Variants in SLC28A2 observed in about 807,000 individuals in gnomAD.
SLC28A2 encodes sodium/nucleoside cotransporter 2.
In SLC28A2, 69 loss-of-function variants were observed where a neutral mutation model predicts 72.9. That is an observed-to-expected ratio of 0.95 (90% CI 0.78 to 1.16). The LOEUF (loss-of-function observed/expected upper bound fraction) is 1.16, where lower values mean the gene tolerates loss of function less well. Ranked by LOEUF, SLC28A2 falls within the 50% of genes most tolerant of loss-of-function variation. The probability of loss-of-function intolerance (pLI) is 0.00; values close to 1 mark genes in which losing one functional copy is unlikely to be tolerated. For synonymous variants in SLC28A2, 296 were observed against 294.1 expected (o/e 1.01, Z -0.07); for missense variants, 745 against 791.1 (o/e 0.94, Z 0.70).
rs1325159600 is a variant in SLC28A2 at position 45,275,071 on chromosome 15, G to A, written c.1860-325G>A. 1.3e-5 allele frequency among the ~76,000 whole-genome samples: 2 copies of A among 152,112 alleles called. 1 individual carries two copies. The highest frequency in any genetic ancestry group is 4.8e-5 in the African/African-American group (2 of 41,404). On this transcript the variant is annotated intron_variant, in intron 17 of 17. Transcript: ENST00000347644. ...TGTTTTCAAGAGGAAGGTGGCCTTG[G>A]AATACCACCTTACTTTTCAGAATCA... is the stretch of plus-strand genomic sequence containing the variant.
At chr15:45,265,906 A>G (rs1227798553) in intron 9 of SLC28A2, among the ~76,000 whole-genome samples, 175 bp from the exon 10 acceptor site, 1 of 152,200 alleles carries the variant, frequency 6.6e-6, no homozygotes, top group Non-Finnish European at 1.5e-5. Flanking sequence ...AAAGGCAACG[A>G]GTCCTGAGTT....
rs754612578 is a variant in SLC28A2 at position 45,268,252 on chromosome 15, A to G, written c.1242A>G (p.Val414=). 1.4e-5 allele frequency: 23 copies of G among 1,610,870 alleles called. No individual in the cohort carries two copies. The South Asian group carries it at 2.4e-4, about 17-fold the overall frequency. Residue 414 remains valine, a synonymous_variant, in exon 13 of 18, where the codon GTA becomes GTG. Coordinates refer to ENST00000347644, the MANE Select transcript of SLC28A2 (RefSeq NM_004212.4). The part of the protein sequence containing the change: ...NVLEAASNGA[V]DAIGLATNVA... ...TGGAAGCTGCCAGCAACGGAGCCGT[A>G]GATGCCATAGGCCTTGCTACTAATG...
intron 13 of SLC28A2, 100 bp from the exon 14 acceptor site, chr15:45,269,238 G>C: frequency 1.1e-6 from 1 of 879,288 alleles, no homozygotes; most frequent in Non-Finnish European, 1.9e-6. Context: ...ATGAATAGAA[G>C]GGTGGAAGAG....
At position 45,272,323 on chromosome 15, in the gene SLC28A2, C is replaced by G. The variant is rs1241805974; in HGVS notation, c.1677C>G (p.Asp559Glu). The G allele has an allele frequency of 1.9e-6, 3 of 1,613,852 alleles. No individual in the cohort carries two copies. The African/African-American group carries it at 4.0e-5, about 22-fold the overall frequency. ...CAATAGTACCTCACCGGAAGAGTGA[C>G]TTGTCCAAGGTTGTGGTCAGGGCCC... Reference protein sequence around the residue: ...LTSIVPHRKSDLSKVVVRALF... With the variant: ...LTSIVPHRKSELSKVVVRALF... Residue 559 changes from aspartate to glutamate, a missense_variant, in exon 16 of 18, where the codon GAC becomes GAG. Physicochemically the swap from Asp to Glu is conservative, Grantham distance 45. Coordinates refer to ENST00000347644, the MANE Select transcript of SLC28A2 (RefSeq NM_004212.4).
intron 1 of SLC28A2, among the ~76,000 whole-genome samples, chr15:45,252,644 T>C (rs907069827): frequency 6.6e-6 from 1 of 152,236 alleles, no homozygotes; most frequent in Non-Finnish European, 1.5e-5. Flanking sequence ...TAAATGTAAG[T>C]TTTGTTAATT....
At chr15:45,254,682 A>G (rs1223609764) in intron 3 of SLC28A2, among the ~76,000 whole-genome samples, 1 of 152,264 alleles carries the variant, frequency 6.6e-6, no homozygotes, top group East Asian at 1.9e-4. Context: ...GATTCAGAGC[A>G]GCTTCCAAAC....
At chr15:45,253,721 C>T in intron 3 of SLC28A2, 1 of 451,448 alleles carries the variant, frequency 2.2e-6, no homozygotes, top group East Asian at 3.4e-5. Context: ...GTTGGTTGGA[C>T]TGAAAATAAA....
At position 45,275,713 on chromosome 15, in the gene SLC28A2, A is replaced by T; in HGVS notation, c.*200A>T. 1 of 487,258 alleles carries T rather than the reference A, an allele frequency of 2.1e-6. No homozygotes were observed. Among genetic ancestry groups the T allele is most frequent in the South Asian group, 2.4e-5 (1 of 40,848 alleles). The allele number at this position is 487,258 out of a possible 1,614,324, so 30.2% of individuals were successfully genotyped here. ...CACTTTGGGAGGCCGAGGCGGGCGG[A>T]TCACAAGGTCAGGAGATCGAGACCA... On this transcript the variant is annotated 3_prime_UTR_variant, in exon 18 of 18. Coordinates refer to ENST00000347644, the MANE Select transcript of SLC28A2 (RefSeq NM_004212.4).
At chr15:45,258,860 T>G (rs1174794176) in intron 3 of SLC28A2, among the ~76,000 whole-genome samples, 1 of 152,336 alleles carries the variant, frequency 6.6e-6, no homozygotes, top group East Asian at 1.9e-4. Context: ...GGTATATACT[T>G]TGGAGTGGAA....
At chr15:45,265,927 CTCTGTT>C (rs1044231898) in intron 9 of SLC28A2, 148 bp from the exon 10 acceptor site, 7 of 644,394 alleles carry the variant, frequency 1.1e-5, no homozygotes, top group African/African-American at 3.7e-5. Context: ...CTGGTCAAGG[CTCTGTT>C]TCTAAGTTGG....
intron 10 of SLC28A2, 78 bp from the exon 11 acceptor site, chr15:45,267,377 C>CCCA (rs1900370013): frequency 6.5e-7 from 1 of 1,532,536 alleles, no homozygotes; most frequent in East Asian, 2.3e-5. Flanking sequence ...GTGGGTCCAG[C>CCCA]CCCTGGGGCT....
At chr15:45,274,893 GTTAA>G (rs1900702377) in intron 17 of SLC28A2, among the ~76,000 whole-genome samples, 1 of 152,044 alleles carries the variant, frequency 6.6e-6, no homozygotes, top group Non-Finnish European at 1.5e-5. Flanking sequence ...ACCATGCCTG[GTTAA>G]TTTTTACTTT....
At chr15:45,264,597 C>A in intron 6 of SLC28A2, 58 bp from the exon 7 acceptor site, 2 of 1,196,460 alleles carry the variant, frequency 1.7e-6, no homozygotes, top group Non-Finnish European at 2.5e-6. Flanking sequence ...GTTTAAAACT[C>A]CAACCAGGTA....
intron 9 of SLC28A2, 34 bp downstream of exon 9, chr15:45,265,697 G>GATGAAGGCCTGTCT: frequency 2.2e-6 from 3 of 1,388,892 alleles, no homozygotes; most frequent in South Asian, 1.2e-5. Context: ...CAGGAGACAG[G>GATGAAGGCCTGTCT]CCTTCATCCT....
At chr15:45,271,577 A>AAAGGACGG (rs1555431978) in intron 15 of SLC28A2, among the ~76,000 whole-genome samples, 1 of 130,278 alleles carries the variant, frequency 7.7e-6, no homozygotes, top group East Asian at 2.2e-4. Flanking sequence ...AAAAAGAAGA[A>AAAGGACGG]AAGGAAGGAA....
chr15:45,272,193 C>T (rs947372759), intron 15 of SLC28A2, 102 bp from the exon 16 acceptor site: 64 of 845,478 alleles, frequency 7.6e-5, no homozygotes, highest in Non-Finnish European at 1.2e-4. Context: ...TCTTCATCGG[C>T]TGTGTTTTGT....
At chr15:45,273,554 G>A (rs886535883) in intron 17 of SLC28A2, among the ~76,000 whole-genome samples, 3 of 152,212 alleles carry the variant, frequency 2.0e-5, no homozygotes, top group Admixed American at 6.5e-5. Flanking sequence ...AAGAAGCCTT[G>A]TATGAAATAC....
At chr15:45,267,888 G>T in intron 12 of SLC28A2, 92 bp downstream of exon 12, 1 of 1,417,828 alleles carries the variant, frequency 7.1e-7, no homozygotes, top group Non-Finnish European at 9.9e-7. Context: ...CCCTGAGGGG[G>T]AATAATGTGA....
intron 9 of SLC28A2, 58 bp from the exon 10 acceptor site, chr15:45,266,023 G>A (rs1319962260): frequency 1.2e-5 from 15 of 1,235,092 alleles, no homozygotes; most frequent in Admixed American, 5.2e-5. Context: ...GGAGTTTTGC[G>A]AGATGTTCTC....
Sources: allele counts gnomAD v4.1 joint callset (sites outside exome capture counted in the v4.1 genomes callset), GRCh38; gene constraint gnomAD v4.1.1; transcripts MANE v1.5; gene names NCBI Gene and HGNC (gene_info 2026-07-23, HGNC 2026-07-21).